SEPTIN10: variants seen among roughly 807,000 people sequenced by gnomAD.
The protein encoded by SEPTIN10 is septin-10.
In SEPTIN10, 66 loss-of-function variants were observed where a neutral mutation model predicts 54.8. The observed-to-expected ratio is 1.21, with a 90% CI of 0.99 to 1.48. The LOEUF is 1.48. Ranked by LOEUF, SEPTIN10 falls within the 40% of genes most tolerant of loss-of-function variation. The pLI is 0.00. For missense variants in SEPTIN10, 620 were observed against 545.6 expected (o/e 1.14, Z -1.36); for synonymous variants, 161 against 181.0 (o/e 0.89, Z 0.89).
chr2:109,603,615 A>C (rs1697183319), intron 1 of SEPTIN10, among the ~76,000 whole-genome samples: 2 of 152,182 alleles, frequency 1.3e-5, no homozygotes, highest in African/African-American at 4.8e-5. Context: ...GAAGCTGTAT[A>C]AATCAATATC....
intron 4 of SEPTIN10, among the ~76,000 whole-genome samples, chr2:109,582,953 G>A (rs1295128139): frequency 1.3e-5 from 2 of 152,202 alleles, no homozygotes; most frequent in Non-Finnish European, 2.9e-5. Context: ...AATAAATGGT[G>A]CTAGGATAAC....
In SEPTIN10 at chr2:109,543,418, T is replaced by C. The variant is rs1680431083; in HGVS notation, c.*891A>G. On this transcript the variant is annotated 3_prime_UTR_variant, in exon 11 of 11. Transcript: ENST00000397712. ...CACCACAGTAATACGTCAGCCATAA[T>C]AAGGCATAATAAAGCATGAAGTCAT... is the stretch of plus-strand genomic sequence containing the variant. 6.6e-6 allele frequency: 1 copy of C among 152,180 alleles called. No individual in the cohort carries two copies. The highest frequency in any genetic ancestry group is 1.9e-4 in the East Asian group (1 of 5,200). The allele number at this position is 152,180 out of a possible 1,614,324, so 9.4% of individuals were successfully genotyped here. A position where few individuals can be genotyped will look rare whatever the true frequency, so the allele number is the denominator to read the frequency against.
At chr2:109,559,311 C>G (rs998654546) in intron 8 of SEPTIN10, among the ~76,000 whole-genome samples, 11 of 152,208 alleles carry the variant, frequency 7.2e-5, no homozygotes, top group African/African-American at 2.4e-4. Context: ...CATTTTGCCT[C>G]AACTTTACCC....
chr2:109,562,650 A>C (rs975445096), intron 8 of SEPTIN10, among the ~76,000 whole-genome samples: 5 of 152,084 alleles, frequency 3.3e-5, no homozygotes, highest in Admixed American at 3.3e-4. Flanking sequence ...CTCCTCAGAG[A>C]GGACTTCAAA....
At chr2:109,558,902 T>TG (rs999687513) in intron 8 of SEPTIN10, among the ~76,000 whole-genome samples, 6 of 152,074 alleles carry the variant, frequency 3.9e-5, no homozygotes, top group African/African-American at 1.4e-4. Flanking sequence ...CTTTTTTTTT[T>TG]TGAGATGGAG....
At chr2:109,554,790 A>T (rs749784958) in intron 8 of SEPTIN10, among the ~76,000 whole-genome samples, 4 of 152,146 alleles carry the variant, frequency 2.6e-5, no homozygotes, top group African/African-American at 4.8e-5. Context: ...ACACATGGTA[A>T]CCCAAAACAT....
At chr2:109,603,860 C>T (rs552136478) in intron 1 of SEPTIN10, among the ~76,000 whole-genome samples, 32 of 151,978 alleles carry the variant, frequency 2.1e-4, no homozygotes, top group African/African-American at 7.5e-4. Flanking sequence ...ATGGTGAAAC[C>T]GTCTCTAATT....
chr2:109,547,581 G>T (rs1052317516), intron 9 of SEPTIN10, among the ~76,000 whole-genome samples: 1 of 152,010 alleles, frequency 6.6e-6, no homozygotes, highest in African/African-American at 2.4e-5. Flanking sequence ...CATATAAAGG[G>T]AGCAATGTCA....
At chr2:109,577,610 A>T (rs1218241394) in intron 4 of SEPTIN10, among the ~76,000 whole-genome samples, 1 of 151,022 alleles carries the variant, frequency 6.6e-6, no homozygotes, top group East Asian at 2.0e-4. Flanking sequence ...AAAAAAAAAA[A>T]AAGAAAAAGA....
chr2:109,601,380 G>A (rs1432029172), intron 1 of SEPTIN10, among the ~76,000 whole-genome samples: 1 of 152,178 alleles, frequency 6.6e-6, no homozygotes, highest in Non-Finnish European at 1.5e-5. Flanking sequence ...AAACACAAGT[G>A]TATAAAAGGG....
At chr2:109,572,599 T>C (rs1193191578) in intron 5 of SEPTIN10, among the ~76,000 whole-genome samples, 1 of 151,348 alleles carries the variant, frequency 6.6e-6, no homozygotes, top group Non-Finnish European at 1.5e-5. Flanking sequence ...TCAGCTAACT[T>C]TTAAAACAAC....
chr2:109,548,080 GA>G (rs2104610550), intron 9 of SEPTIN10, among the ~76,000 whole-genome samples: 1 of 151,978 alleles, frequency 6.6e-6, no homozygotes, highest in South Asian at 2.1e-4. Context: ...GTAATGAGAG[GA>G]AATACAGATG....
At chr2:109,553,519 G>T (rs1381080347) in intron 8 of SEPTIN10, among the ~76,000 whole-genome samples, 1 of 151,038 alleles carries the variant, frequency 6.6e-6, no homozygotes, top group African/African-American at 2.4e-5. Flanking sequence ...ACTCCAGCCT[G>T]GGTGACAGAG....
At chr2:109,569,799 G>A (rs950149778) in intron 5 of SEPTIN10, among the ~76,000 whole-genome samples, 3 of 152,124 alleles carry the variant, frequency 2.0e-5, no homozygotes, top group African/African-American at 7.2e-5. Context: ...ATTAGAGGGA[G>A]GGAAAGTAAC....
chr2:109,612,699 C>A (rs1407056441), intron 1 of SEPTIN10, among the ~76,000 whole-genome samples: 1 of 152,154 alleles, frequency 6.6e-6, no homozygotes, highest in African/African-American at 2.4e-5. Flanking sequence ...TCACCAGGAC[C>A]CCTCAATTTT....
chr2:109,556,667 T>TA (rs1216144601), intron 8 of SEPTIN10, among the ~76,000 whole-genome samples: 2 of 152,156 alleles, frequency 1.3e-5, no homozygotes, highest in Non-Finnish European at 2.9e-5. Flanking sequence ...TCTTTTTTTT[T>TA]AAAGAAGCCC....
chr2:109,551,664 C>T (rs74368313), intron 9 of SEPTIN10, among the ~76,000 whole-genome samples: 1,789 of 152,296 alleles, frequency 0.012, 16 homozygotes, highest in Non-Finnish European at 0.021. Flanking sequence ...AATAAAACAT[C>T]AAAATTCGCA....
chr2:109,564,228 A>G, intron 8 of SEPTIN10, 138 bp downstream of exon 8: 1 of 738,786 alleles, frequency 1.4e-6, no homozygotes, highest in Non-Finnish European at 1.9e-6. Context: ...AAGCACAATA[A>G]TTAGTCATTA....
chr2:109,604,741 C>T (rs1029976349), intron 1 of SEPTIN10: 5 of 152,156 alleles, frequency 3.3e-5, no homozygotes, highest in Non-Finnish European at 7.3e-5. Context: ...AGGGACAACA[C>T]AGTAGTGGAA....
Sources: gnomAD v4.1 joint callset for allele counts (sites outside exome capture counted in the v4.1 genomes callset) on GRCh38, gnomAD v4.1.1 for gene constraint, MANE v1.5 for transcripts, NCBI Gene and HGNC (gene_info 2026-07-23, HGNC 2026-07-21) for gene names.